The following UGGT2 variants were observed in gnomAD, a reference collection of about 807,000 sequenced individuals.
UGGT2 encodes the protein UDP-glucose glycoprotein glucosyltransferase 2.
A neutral mutation model predicts 192.1 loss-of-function variants in UGGT2; 180 were observed. The observed-to-expected ratio is 0.94, with a 90% confidence interval of 0.83 to 1.06. The LOEUF is 1.06. Ranked by LOEUF, UGGT2 falls within the 50% of genes least tolerant of loss-of-function variation. UGGT2 has a pLI of 0.00. For missense variants in UGGT2, 1,849 were observed against 1,795.7 expected (o/e 1.03, Z -0.54); for synonymous variants, 580 against 591.0 (o/e 0.98, Z 0.27).
intron 36 of UGGT2, among the ~76,000 whole-genome samples, chr13:95,844,317 T>C (rs1888170778): frequency 6.6e-6 from 1 of 152,168 alleles, no homozygotes; most frequent in African/African-American, 2.4e-5. Context: ...ATCAACTTCA[T>C]TAATTTGTAC....
chr13:95,984,916 A>G (rs1225047238), intron 9 of UGGT2: 2 of 152,914 alleles, frequency 1.3e-5, no homozygotes, highest in Non-Finnish European at 2.9e-5. Context: ...TAATAAGGCA[A>G]ATTTTTCATT....
intron 38 of UGGT2, among the ~76,000 whole-genome samples, chr13:95,808,191 G>C (rs1314164517): frequency 1.3e-5 from 2 of 152,182 alleles, no homozygotes; most frequent in Non-Finnish European, 2.9e-5. Flanking sequence ...CCAATGCAGA[G>C]AAAGGGTTCT....
At chr13:96,009,739 C>T (rs1398534052) in intron 5 of UGGT2, among the ~76,000 whole-genome samples, 3 of 152,066 alleles carry the variant, frequency 2.0e-5, no homozygotes, top group African/African-American at 7.2e-5. Context: ...ACCCAAGAGG[C>T]GGAGGTTGCA....
intron 34 of UGGT2, 81 bp downstream of exon 34, chr13:95,856,077 C>A: frequency 8.8e-7 from 1 of 1,134,714 alleles, no homozygotes. Context: ...TAAACATGAG[C>A]AACATGAATT....
intron 7 of UGGT2, among the ~76,000 whole-genome samples, chr13:95,994,669 C>T (rs1437834543): frequency 1.3e-5 from 2 of 151,760 alleles, no homozygotes; most frequent in Non-Finnish European, 2.9e-5. Flanking sequence ...ATGTACTATA[C>T]CAATTATTTA....
chr13:96,022,126 A>G (rs2052532412), intron 4 of UGGT2, among the ~76,000 whole-genome samples: 1 of 152,128 alleles, frequency 6.6e-6, no homozygotes, highest in East Asian at 1.9e-4. Flanking sequence ...TAGATAATGG[A>G]GCAGAACAAA....
intron 38 of UGGT2, among the ~76,000 whole-genome samples, chr13:95,824,610 T>G (rs1286574650): frequency 6.6e-6 from 1 of 152,208 alleles, no homozygotes; most frequent in African/African-American, 2.4e-5. Flanking sequence ...TATAGTTCCC[T>G]AAGCATGTCT....
At chr13:95,839,782 T>A (rs1036746046) in intron 36 of UGGT2, among the ~76,000 whole-genome samples, 5 of 152,184 alleles carry the variant, frequency 3.3e-5, no homozygotes, top group Non-Finnish European at 5.9e-5. Context: ...TTTCTCCATA[T>A]CCTTGTCCAC....
intron 22 of UGGT2, among the ~76,000 whole-genome samples, chr13:95,898,744 T>G (rs569116721): frequency 2.8e-4 from 42 of 152,230 alleles, no homozygotes; most frequent in Admixed American, 2.5e-3. Context: ...TGTAGGAACA[T>G]AGCACTCATC....
intron 36 of UGGT2, among the ~76,000 whole-genome samples, chr13:95,851,598 G>A (rs1198109704): frequency 6.6e-6 from 1 of 152,140 alleles, no homozygotes; most frequent in African/African-American, 2.4e-5. Flanking sequence ...GAAAGGAGAG[G>A]TTGAAAACAT....
chr13:96,024,220 G>A (rs2052599855), intron 2 of UGGT2, among the ~76,000 whole-genome samples: 2 of 152,150 alleles, frequency 1.3e-5, no homozygotes, highest in South Asian at 4.1e-4. Flanking sequence ...ATACTTTTAG[G>A]AGACAAAATT....
At chr13:96,026,138 T>C (rs1260870321) in intron 2 of UGGT2, among the ~76,000 whole-genome samples, 1 of 152,044 alleles carries the variant, frequency 6.6e-6, no homozygotes, top group Non-Finnish European at 1.5e-5. Context: ...AGACACAGAA[T>C]GATCAGCATT....
chr13:96,042,549 G>A (rs770646691), intron 1 of UGGT2, among the ~76,000 whole-genome samples: 32 of 151,700 alleles, frequency 2.1e-4, no homozygotes, highest in Admixed American at 7.9e-4. Flanking sequence ...GAATTCAGAT[G>A]GTCAGTTATT....
At chr13:95,893,734 T>C (rs1419908877) in intron 24 of UGGT2, among the ~76,000 whole-genome samples, 2 of 149,852 alleles carry the variant, frequency 1.3e-5, no homozygotes, top group African/African-American at 4.9e-5. Flanking sequence ...TTGAGTGAGC[T>C]CAGGGAATCT....
rs545478981 is a variant in UGGT2, at chr13:96,009,682, C to A, written c.660+3625G>T. ...AATTAGCCGGGCATGTTGGTGGATG[C>A]CTGTAATCCCAGCTACTTGGGAGGC... On this transcript the variant is annotated intron_variant, in intron 5 of 38. Coordinates refer to ENST00000376747, the MANE Select transcript of UGGT2 (RefSeq NM_020121.4). Among the ~76,000 whole-genome samples, 4 of 152,260 alleles carry A rather than the reference C, an allele frequency of 2.6e-5. No homozygotes were observed. The East Asian group carries it at 7.7e-4, about 29-fold the overall frequency.
intron 4 of UGGT2, among the ~76,000 whole-genome samples, chr13:96,016,043 T>TA (rs200009221): frequency 0.016 from 2,379 of 152,290 alleles, 25 homozygotes; most frequent in Middle Eastern, 0.041. Context: ...AGTTTGAACT[T>TA]AAGAGGGATG....
intron 19 of UGGT2, 64 bp downstream of exon 19, chr13:95,926,964 G>A (rs2140436454): frequency 1.4e-6 from 2 of 1,399,186 alleles, no homozygotes; most frequent in East Asian, 4.8e-5. Flanking sequence ...TTATACAACT[G>A]CCTTATGAAC....
At chr13:96,023,229 T>C in intron 3 of UGGT2, 77 bp from the exon 4 acceptor site, 1 of 1,225,860 alleles carries the variant, frequency 8.2e-7, no homozygotes, top group Non-Finnish European at 1.1e-6. Flanking sequence ...CACATTACTT[T>C]GATTAAAATA....
chr13:95,993,248 G>C (rs992966751), intron 7 of UGGT2, among the ~76,000 whole-genome samples: 1 of 152,054 alleles, frequency 6.6e-6, no homozygotes, highest in Non-Finnish European at 1.5e-5. Context: ...TATTAGAGTG[G>C]GAAGATGGCA....
Sources: allele counts gnomAD v4.1 joint callset (sites outside exome capture counted in the v4.1 genomes callset), GRCh38; gene constraint gnomAD v4.1.1; transcripts MANE v1.5; gene names NCBI Gene and HGNC (gene_info 2026-07-23, HGNC 2026-07-21).